SLC26A8: variants seen among roughly 807,000 people sequenced by gnomAD.
SLC26A8 encodes the protein solute carrier family 26 member 8.
A neutral mutation model predicts 105.0 loss-of-function variants in SLC26A8; 70 were observed. The ratio of observed to expected loss-of-function variants is 0.67; its 90% CI spans 0.55 to 0.81. The LOEUF (loss-of-function observed/expected upper bound fraction) is 0.81. Ranked by LOEUF, SLC26A8 falls within the 40% of genes least tolerant of loss-of-function variation. SLC26A8 has a pLI of 0.00. For synonymous variants in SLC26A8, 415 were observed against 438.3 expected (o/e 0.95, Z 0.66); for missense variants, 998 against 1,181.8 (o/e 0.84, Z 2.28).
rs895581242 is a variant in SLC26A8 at position 35,960,974 on chromosome 6, A to G, written c.1568+19T>C. On this transcript the variant is annotated intron_variant, in intron 13 of 19. Transcript: ENST00000490799. ...GCTTACCTTGCCTTGTTAACCTCCTATTACCTGAGACAAAGTACCTGTGTG... is the reference window on the plus strand; with the variant it reads ...GCTTACCTTGCCTTGTTAACCTCCTGTTACCTGAGACAAAGTACCTGTGTG... The G allele has an allele frequency of 6.2e-7, 1 of 1,613,944 alleles. No homozygotes were observed. The highest frequency in any genetic ancestry group is 2.2e-5 in the East Asian group (1 of 44,884).
intron 10 of SLC26A8, among the ~76,000 whole-genome samples, chr6:35,973,130 T>C (rs1007755159): frequency 1.3e-5 from 2 of 152,200 alleles, no homozygotes; most frequent in African/African-American, 4.8e-5. Flanking sequence ...TTTCTAGCCG[T>C]GCACATCTTG....
At chr6:36,021,473 T>G (rs949014709) in intron 1 of SLC26A8, among the ~76,000 whole-genome samples, 1 of 152,154 alleles carries the variant, frequency 6.6e-6, no homozygotes, top group Non-Finnish European at 1.5e-5. Flanking sequence ...ACAAAACTGA[T>G]ATCCTGGGTC....
At chr6:36,002,848 C>A (rs910373003) in intron 3 of SLC26A8, among the ~76,000 whole-genome samples, 2 of 151,864 alleles carry the variant, frequency 1.3e-5, no homozygotes, top group Non-Finnish European at 2.9e-5. Flanking sequence ...GGACTATAGG[C>A]GCACGCCACC....
chr6:35,988,002 C>G (rs1043389823), intron 7 of SLC26A8, among the ~76,000 whole-genome samples: 1 of 151,490 alleles, frequency 6.6e-6, no homozygotes, highest in Non-Finnish European at 1.5e-5. Flanking sequence ...ACCTCCGCCT[C>G]CCGGGTTAAG....
At chr6:35,973,846 C>A (rs1772893301) in intron 10 of SLC26A8, among the ~76,000 whole-genome samples, 1 of 152,212 alleles carries the variant, frequency 6.6e-6, no homozygotes, top group Non-Finnish European at 1.5e-5. Context: ...TATGTTTCTG[C>A]AGCAGAAGCT....
At chr6:36,024,115 C>T (rs1323511482) in intron 1 of SLC26A8, among the ~76,000 whole-genome samples, 1 of 152,042 alleles carries the variant, frequency 6.6e-6, no homozygotes, top group African/African-American at 2.4e-5. Flanking sequence ...ACAAAATTAA[C>T]AAAAGCAGTG....
intron 10 of SLC26A8, 60 bp downstream of exon 10, chr6:35,975,315 T>C (rs1485504180): frequency 4.3e-6 from 4 of 921,430 alleles, no homozygotes; most frequent in Non-Finnish European, 6.7e-6. Context: ...ACTCTGAATA[T>C]ACATATGAAT....
At chr6:35,997,953 T>C in intron 4 of SLC26A8, 34 bp from the exon 5 acceptor site, 1 of 1,598,314 alleles carries the variant, frequency 6.3e-7, no homozygotes, top group South Asian at 1.1e-5. Flanking sequence ...AAGGTGAAGT[T>C]TCAAGTCCAG....
chr6:35,984,384 A>C (rs558804651), intron 7 of SLC26A8, among the ~76,000 whole-genome samples: 3 of 138,310 alleles, frequency 2.2e-5, no homozygotes, highest in African/African-American at 8.2e-5. Context: ...GTGCAGTGGC[A>C]CAATCTTGGC....
Position 35,943,720 on chromosome 6 carries a change from A to G in SLC26A8, c.*180T>C, listed in dbSNP as rs1434701483. The G allele has an allele frequency of 3.7e-6, 3 of 806,822 alleles. No homozygotes were observed. The East Asian group carries it at 8.2e-5, about 22-fold the overall frequency. The allele number at this position is 806,822 out of a possible 1,614,324, so 50.0% of individuals were successfully genotyped here. ...CAGAGATAATTGTTGGCATTTAGTA[A>G]TGTGATTTGGGAGTATGATCCCAGC... is the stretch of plus-strand genomic sequence containing the variant. On this transcript the variant is annotated 3_prime_UTR_variant, in exon 20 of 20. Coordinates refer to ENST00000490799, the MANE Select transcript of SLC26A8 (RefSeq NM_052961.4).
intron 1 of SLC26A8, among the ~76,000 whole-genome samples, chr6:36,023,546 CAAAA>C (rs59633591): frequency 3.1e-5 from 2 of 63,518 alleles, no homozygotes; most frequent in East Asian, 5.3e-4. Flanking sequence ...GACTCTGTCT[CAAAA>C]AAAAAAAAAA....
At chr6:35,982,634 G>A (rs1200695885) in intron 7 of SLC26A8, among the ~76,000 whole-genome samples, 1 of 152,066 alleles carries the variant, frequency 6.6e-6, no homozygotes, top group East Asian at 1.9e-4. Context: ...AGTTTATCAG[G>A]AAGTGGGGAA....
chr6:35,999,373 A>C (rs1761455220), intron 4 of SLC26A8, among the ~76,000 whole-genome samples: 1 of 152,160 alleles, frequency 6.6e-6, no homozygotes. Flanking sequence ...GTTGGCAATG[A>C]CCTTCTAAAC....
At chr6:35,984,323 T>TTTA (rs1562045552) in intron 7 of SLC26A8, among the ~76,000 whole-genome samples, 1 of 50,176 alleles carries the variant, frequency 2.0e-5, no homozygotes, top group East Asian at 4.2e-4. Context: ...CTTCTTATTT[T>TTTA]TTTTTTTTTT....
intron 7 of SLC26A8, among the ~76,000 whole-genome samples, chr6:35,984,505 G>A (rs891649982): frequency 6.6e-6 from 1 of 151,602 alleles, no homozygotes; most frequent in Non-Finnish European, 1.5e-5. Flanking sequence ...TTTATTTTTA[G>A]TAGAGATGGG....
intron 19 of SLC26A8, among the ~76,000 whole-genome samples, chr6:35,948,654 A>G (rs1007958990): frequency 6.6e-6 from 1 of 152,240 alleles, no homozygotes; most frequent in Non-Finnish European, 1.5e-5. Flanking sequence ...GACATCCACA[A>G]CTAAACTAGA....
chr6:35,988,426 G>C (rs1225233258), intron 7 of SLC26A8, among the ~76,000 whole-genome samples: 2 of 152,036 alleles, frequency 1.3e-5, no homozygotes, highest in Non-Finnish European at 2.9e-5. Context: ...TTGAGGTCAG[G>C]AGTTTGAGGC....
Position 35,951,494 on chromosome 6 carries a change from G to A in SLC26A8, c.2238C>T (p.Cys746=), listed in dbSNP as rs1216621224. 16 of 1,613,984 alleles carry A rather than the reference G, an allele frequency of 9.9e-6. No homozygotes were observed. Among genetic ancestry groups the A allele is most frequent in the Admixed American group, 1.7e-5 (1 of 59,988 alleles). The change falls in exon 18 of 20, where the codon TGC becomes TGT. Residue 746 remains cysteine (C), a synonymous_variant. Transcript: ENST00000490799. ...SRGLVVLRQI[C]NAFQNANILI... ...AAATGTTGGCGTTTTGAAAGGCATT[G>A]CATATCTGTGGGGGGAGAGAAAACC...
chr6:36,014,862 G>A (rs961729718), intron 2 of SLC26A8, among the ~76,000 whole-genome samples: 1 of 151,504 alleles, frequency 6.6e-6, no homozygotes, highest in African/African-American at 2.4e-5. Context: ...CGAGACTCTG[G>A]CTCAAAATAA....
Sources: gnomAD v4.1 joint callset for allele counts (sites outside exome capture counted in the v4.1 genomes callset) on GRCh38, gnomAD v4.1.1 for gene constraint, MANE v1.5 for transcripts, NCBI Gene and HGNC (gene_info 2026-07-23, HGNC 2026-07-21) for gene names.